Variants in TRANK1 observed in about 807,000 individuals in gnomAD.
The protein encoded by TRANK1 is TPR and ankyrin repeat-containing protein 1.
Under a neutral mutation model 266.0 loss-of-function variants are expected in TRANK1, and 198 were observed. That is an observed-to-expected ratio of 0.74 (90% CI 0.66 to 0.84). The LOEUF is 0.84. TRANK1 is among the 40% of genes least tolerant of loss of function. The probability of loss-of-function intolerance (pLI) is 0.00; values close to 1 mark genes in which losing one functional copy is unlikely to be tolerated. For missense variants in TRANK1, 3,326 were observed against 3,634.6 expected (o/e 0.92, Z 2.18); for synonymous variants, 1,396 against 1,384.1 (o/e 1.01, Z -0.19).
chr3:36,886,783 G>A (rs927550455), intron 8 of TRANK1, among the ~76,000 whole-genome samples: 1 of 151,874 alleles, frequency 6.6e-6, no homozygotes, highest in African/African-American at 2.4e-5. Flanking sequence ...ATAGTAGCAC[G>A]CATCTGTACT....
chr3:36,838,185 T>C (rs181903249), intron 20 of TRANK1, among the ~76,000 whole-genome samples, 187 bp downstream of exon 20: 124 of 152,280 alleles, frequency 8.1e-4, no homozygotes, highest in Middle Eastern at 3.4e-3. Flanking sequence ...ATGCATACTG[T>C]CTTCAGAGCC....
intron 9 of TRANK1, among the ~76,000 whole-genome samples, chr3:36,873,166 T>A (rs2079334442): frequency 6.6e-6 from 1 of 151,748 alleles, no homozygotes; most frequent in African/African-American, 2.4e-5. Flanking sequence ...CAGGGGGGAG[T>A]GTAACTTACT....
intron 11 of TRANK1, 60 bp downstream of exon 11, chr3:36,860,846 G>T: frequency 6.6e-7 from 1 of 1,522,918 alleles, no homozygotes; most frequent in South Asian, 1.2e-5. Flanking sequence ...CAGTGGCCTG[G>T]ACTCCATCAC....
At chr3:36,845,554 T>A (rs529285274) in intron 17 of TRANK1, among the ~76,000 whole-genome samples, 17 of 152,376 alleles carry the variant, frequency 1.1e-4, no homozygotes, top group African/African-American at 3.8e-4. Flanking sequence ...AACATTCTAT[T>A]CTGATATATA....
At chr3:36,930,443 C>A (rs1399386334) in intron 1 of TRANK1, among the ~76,000 whole-genome samples, 1 of 152,122 alleles carries the variant, frequency 6.6e-6, no homozygotes, top group Non-Finnish European at 1.5e-5. Context: ...GTGAAACCAG[C>A]CAAGCTAGCC....
At chr3:36,926,668 A>AAAC (rs2080292361) in intron 1 of TRANK1, among the ~76,000 whole-genome samples, 1 of 152,222 alleles carries the variant, frequency 6.6e-6, no homozygotes, top group African/African-American at 2.4e-5. Context: ...AATGGTAGCC[A>AAAC]AACAACAACT....
intron 8 of TRANK1, among the ~76,000 whole-genome samples, chr3:36,886,899 G>C (rs1405473459): frequency 7.2e-6 from 1 of 138,466 alleles, no homozygotes; most frequent in Non-Finnish European, 1.6e-5. Flanking sequence ...TACATTTTTT[G>C]TTGGATTTTT....
At chr3:36,890,392 G>A (rs549937364) in intron 7 of TRANK1, among the ~76,000 whole-genome samples, 81 of 152,284 alleles carry the variant, frequency 5.3e-4, no homozygotes, top group African/African-American at 1.9e-3. Flanking sequence ...CCACAGCCTG[G>A]AGCCACCTTG....
intron 8 of TRANK1, among the ~76,000 whole-genome samples, chr3:36,876,510 G>A (rs913543976): frequency 9.8e-5 from 15 of 152,312 alleles, no homozygotes; most frequent in African/African-American, 3.4e-4. Context: ...GACTGAGATT[G>A]ACAAATTGGC....
Position 36,857,054 on chromosome 3 carries a change from C to T in TRANK1, c.2668G>A (p.Glu890Lys). The T allele has an allele frequency of 8.7e-6, 14 of 1,614,040 alleles. No homozygotes were observed. Among genetic ancestry groups the T allele is most frequent in the Non-Finnish European group, 1.1e-5 (13 of 1,179,898 alleles). Residue 890 changes from glutamate (E) to lysine (K), a missense_variant, in exon 13 of 24, where the codon GAA becomes AAA. By Grantham distance (56) the Glu-to-Lys change is moderately conservative. Coordinates refer to ENST00000645898, the MANE Select transcript of TRANK1 (RefSeq NM_001329998.2). This position sits in a 1 kb window ranked among gnomAD's most constrained non-coding sequence, Gnocchi z 4.3. ...CGGGCTCCTTTGTCCAGCTTAGCTTCGAAGAGCTGGATGCTTCCTTTCAGG... is the reference window on the plus strand; with the variant it reads ...CGGGCTCCTTTGTCCAGCTTAGCTTTGAAGAGCTGGATGCTTCCTTTCAGG... The part of the protein sequence containing the change: ...KHLKGSIQLF[E>K]AKLDKGARML...
At chr3:36,894,334 A>C (rs138107587) in intron 5 of TRANK1, among the ~76,000 whole-genome samples, 22 of 151,992 alleles carry the variant, frequency 1.4e-4, no homozygotes, top group African/African-American at 5.3e-4. Context: ...AATGAGGCCT[A>C]AGGCCTCCTG....
chr3:36,878,476 A>G (rs1235249792), intron 8 of TRANK1, among the ~76,000 whole-genome samples: 1 of 152,226 alleles, frequency 6.6e-6, no homozygotes, highest in African/African-American at 2.4e-5. Flanking sequence ...CGTCTTAGAT[A>G]GTCCATGAAT....
chr3:36,919,516 T>C (rs565759652), intron 1 of TRANK1, among the ~76,000 whole-genome samples: 2 of 152,370 alleles, frequency 1.3e-5, no homozygotes, highest in Non-Finnish European at 2.9e-5. Context: ...AATTTACTTA[T>C]CCATTCTGTT....
At chr3:36,899,291 T>C in intron 3 of TRANK1, 32 bp from the exon 4 acceptor site, 1 of 1,532,630 alleles carries the variant, frequency 6.5e-7, no homozygotes, top group Non-Finnish European at 8.7e-7. Flanking sequence ...AACTGTCATG[T>C]ACCACATCTC....
At chr3:36,853,714 T>C (rs2079014236) in intron 13 of TRANK1, among the ~76,000 whole-genome samples, 1 of 152,200 alleles carries the variant, frequency 6.6e-6, no homozygotes, top group African/African-American at 2.4e-5. Flanking sequence ...ATACATACTA[T>C]ACATGGATAA....
In TRANK1 at chr3:36,880,250, C is replaced by T. The variant is rs72861180; in HGVS notation, c.908-5954G>A. ...AAAAAGCAATTACAATTTAAGGACC[C>T]TTCACACTTGTCTCTTTTGCCAGCA... On this transcript the variant is annotated intron_variant, in intron 8 of 23. Transcript: ENST00000645898. 782 of 300,264 alleles carry T rather than the reference C, an allele frequency of 2.6e-3. 5 individuals are homozygous for T. Among genetic ancestry groups the T allele is most frequent in the African/African-American group, 0.016 (707 of 43,996 alleles). 18.6% of individuals were successfully genotyped at this position (300,264 alleles called of 1,614,324 possible). A position where few individuals can be genotyped will look rare whatever the true frequency, so the allele number is the denominator to read the frequency against.
intron 1 of TRANK1, among the ~76,000 whole-genome samples, chr3:36,913,241 G>A (rs2080077577): frequency 6.6e-6 from 1 of 151,988 alleles, no homozygotes; most frequent in East Asian, 1.9e-4. Context: ...AGTAGAAATA[G>A]GGTTTCCCCA....
intron 4 of TRANK1, among the ~76,000 whole-genome samples, 187 bp downstream of exon 4, chr3:36,898,922 T>C (rs1469380024): frequency 1.3e-5 from 2 of 152,032 alleles, no homozygotes; most frequent in Non-Finnish European, 2.9e-5. Flanking sequence ...ACTTCATTGT[T>C]TTCACAAAGG....
chr3:36,940,774 C>T (rs1010000535), intron 1 of TRANK1, among the ~76,000 whole-genome samples: 11 of 152,222 alleles, frequency 7.2e-5, no homozygotes, highest in Middle Eastern at 3.4e-3. Context: ...TCCTCCATAC[C>T]CAATATGGAC....
Sources: gnomAD v4.1 joint callset for allele counts (sites outside exome capture counted in the v4.1 genomes callset) on GRCh38, gnomAD v4.1.1 for gene constraint, Gnocchi (gnomAD v3.1) non-coding constraint, MANE v1.5 for transcripts, NCBI Gene and HGNC (gene_info 2026-07-23, HGNC 2026-07-21) for gene names.